Variants in BBS9 observed in about 807,000 individuals in gnomAD.
BBS9 encodes protein PTHB1.
Under a neutral mutation model 117.7 loss-of-function variants are expected in BBS9, and 89 were observed. That is an observed-to-expected ratio of 0.76 (90% CI 0.64 to 0.90). BBS9 has a LOEUF of 0.90. BBS9 is among the 40% of genes least tolerant of loss of function. The pLI, the probability that BBS9 is intolerant of heterozygous loss-of-function variation, is 0.00. For missense variants in BBS9, 982 were observed against 1,042.2 expected, an observed-to-expected ratio of 0.94 and a Z score of 0.80; for synonymous variants, 379 against 370.9, an observed-to-expected ratio of 1.02 and a Z score of -0.25.
intron 5 of BBS9, among the ~76,000 whole-genome samples, chr7:33,199,000 T>C (rs568569265): frequency 6.6e-6 from 1 of 152,158 alleles, no homozygotes; most frequent in East Asian, 1.9e-4. Context: ...TGAAAGATTA[T>C]TCAAAATTCT....
chr7:33,446,932 C>T (rs1042756285), intron 19 of BBS9, among the ~76,000 whole-genome samples: 3 of 152,006 alleles, frequency 2.0e-5, no homozygotes, highest in Non-Finnish European at 2.9e-5. Flanking sequence ...CTCATTTCAC[C>T]CTAGATTGGC....
intron 4 of BBS9, among the ~76,000 whole-genome samples, chr7:33,163,882 A>G (rs188531948): frequency 1.3e-5 from 2 of 151,828 alleles, no homozygotes; most frequent in East Asian, 1.9e-4. Flanking sequence ...GCTTTTGAAT[A>G]TGTTTTCTCT....
At chr7:33,206,565 G>T (rs1003329363) in intron 5 of BBS9, among the ~76,000 whole-genome samples, 1 of 151,686 alleles carries the variant, frequency 6.6e-6, no homozygotes, top group African/African-American at 2.4e-5. Flanking sequence ...CACTTGCTCT[G>T]TCTCCTTCTC....
At position 33,304,305 on chromosome 7, in the gene BBS9, G is replaced by A. The variant is rs376408134; in HGVS notation, c.1016+30349G>A. Among the ~76,000 whole-genome samples the A allele has an allele frequency of 8.4e-4, 119 of 141,550 alleles. No individual in the cohort carries two copies. In the East Asian group the frequency reaches 0.015, roughly 18 times the overall value. The allele number at this position is 141,550 out of a possible 152,430, so 92.9% of individuals were successfully genotyped here. Reference sequence around the variant, plus strand: ...TGGGAAGTGAGGAGCGCCTCTGCCCGGCCGCCCCGTCTGGGAAGTGAGGAG... The same window carrying A: ...TGGGAAGTGAGGAGCGCCTCTGCCCAGCCGCCCCGTCTGGGAAGTGAGGAG... On this transcript the variant is annotated intron_variant, in intron 9 of 22. Coordinates refer to ENST00000242067, the MANE Select transcript of BBS9 (RefSeq NM_198428.3).
At chr7:33,375,656 A>G (rs1018144852) in intron 17 of BBS9, among the ~76,000 whole-genome samples, 15 of 150,136 alleles carry the variant, frequency 1.0e-4, no homozygotes, top group Middle Eastern at 3.4e-3. Flanking sequence ...TGCAGTCACA[A>G]TCTTGGCTTA....
chr7:33,612,889 C>G (rs188759650), intron 21 of BBS9, among the ~76,000 whole-genome samples: 1 of 152,186 alleles, frequency 6.6e-6, no homozygotes, highest in East Asian at 1.9e-4. Flanking sequence ...GCCTGGTCCT[C>G]TTGAAAAGGT....
chr7:33,607,496 A>C (rs1322766758), downstream of BBS9, among the ~76,000 whole-genome samples: 1 of 152,174 alleles, frequency 6.6e-6, no homozygotes, highest in Non-Finnish European at 1.5e-5. Flanking sequence ...ATTTATTTAG[A>C]ATAAGAAAAG....
At chr7:33,220,878 G>A (rs1225473220) in intron 5 of BBS9, among the ~76,000 whole-genome samples, 1 of 152,192 alleles carries the variant, frequency 6.6e-6, no homozygotes, top group Non-Finnish European at 1.5e-5. Context: ...AGGATAAGGA[G>A]AAAGAAATCA....
chr7:33,131,900 T>G (rs960702339), intron 1 of BBS9, among the ~76,000 whole-genome samples: 1 of 152,172 alleles, frequency 6.6e-6, no homozygotes, highest in African/African-American at 2.4e-5. Context: ...GTAAACTTGT[T>G]GTAGAAAAAA....
intron 20 of BBS9, among the ~76,000 whole-genome samples, chr7:33,514,584 G>C (rs911582769): frequency 6.6e-6 from 1 of 151,934 alleles, no homozygotes; most frequent in African/African-American, 2.4e-5. Context: ...GCTAGCTTTG[G>C]GTACTGTAAA....
Position 33,349,167 on chromosome 7 carries a change from A to T in BBS9, c.1429A>T (p.Met477Leu), listed in dbSNP as rs770807702. The change falls in exon 13 of 23, where the codon ATG becomes TTG. Residue 477 changes from methionine to leucine, a missense_variant. Met to Leu is a conservative substitution (Grantham distance 15, BLOSUM62 2). Coordinates refer to ENST00000242067, the MANE Select transcript of BBS9 (RefSeq NM_198428.3). ...LTCDQFTFEF[M>L]TPDLTRTVSF... ...TTGTGATCAGTTCACCTTTGAATTT[A>T]TGAGTAAGTTTTTTGTTTTGGCTGA... is the stretch of plus-strand genomic sequence containing the variant. 6.2e-7 allele frequency: 1 copy of T among 1,608,322 alleles called. No individual in the cohort carries two copies. Among genetic ancestry groups the T allele is most frequent in the Non-Finnish European group, 8.5e-7 (1 of 1,175,022 alleles).
Position 33,549,988 on chromosome 7 carries a change from A to G in BBS9, c.2521+15812A>G, listed in dbSNP as rs1336442043. ...CAAATATGAGGATGAAAAAGTTGAT[A>G]TTTATTCCAGCAGATTCTGGCTCTA... On this transcript the variant is annotated intron_variant, in intron 21 of 22. Transcript: ENST00000242067. Among the ~76,000 whole-genome samples, 2 of 152,210 alleles carry G rather than the reference A, an allele frequency of 1.3e-5. 1 individual carries two copies. The highest frequency in any genetic ancestry group is 4.8e-5 in the African/African-American group (2 of 41,446).
At chr7:33,281,036 G>T (rs12538649) in intron 9 of BBS9, among the ~76,000 whole-genome samples, 8 of 148,934 alleles carry the variant, frequency 5.4e-5, no homozygotes, top group Admixed American at 3.3e-4. Flanking sequence ...AAATATTTCT[G>T]GAATTTATGT....
chr7:33,446,407 G>A (rs146483781), intron 19 of BBS9, among the ~76,000 whole-genome samples: 5 of 152,246 alleles, frequency 3.3e-5, no homozygotes. Flanking sequence ...TAAACCAAAT[G>A]TTAAATCTGT....
intron 19 of BBS9, among the ~76,000 whole-genome samples, chr7:33,411,272 G>A (rs986822098): frequency 3.3e-5 from 5 of 152,134 alleles, no homozygotes; most frequent in South Asian, 2.1e-4. Context: ...TCCCACATCC[G>A]AAACTAATTT....
intron 19 of BBS9, among the ~76,000 whole-genome samples, chr7:33,485,196 T>C (rs1842935866): frequency 6.6e-6 from 1 of 152,098 alleles, no homozygotes; most frequent in South Asian, 2.1e-4. Context: ...GTGCTGGGCT[T>C]AATACCTTGG....
chr7:33,148,966 T>C, intron 2 of BBS9, among the ~76,000 whole-genome samples: 1 of 152,148 alleles, frequency 6.6e-6, no homozygotes, highest in East Asian at 1.9e-4. Context: ...TTCATTAGTG[T>C]CCATGACAAG....
chr7:33,504,166 A>G (rs1425324499), intron 19 of BBS9, among the ~76,000 whole-genome samples: 1 of 152,240 alleles, frequency 6.6e-6, no homozygotes, highest in African/African-American at 2.4e-5. Flanking sequence ...CAAGCAATGC[A>G]CTTTACATTA....
At chr7:33,228,827 C>A (rs989132413) in intron 5 of BBS9, among the ~76,000 whole-genome samples, 1 of 151,952 alleles carries the variant, frequency 6.6e-6, no homozygotes, top group Non-Finnish European at 1.5e-5. Flanking sequence ...GGAGGTGACC[C>A]CTCTTCAGGT....
Sources: gnomAD v4.1 joint callset for allele counts (sites outside exome capture counted in the v4.1 genomes callset) on GRCh38, gnomAD v4.1.1 for gene constraint, MANE v1.5 for transcripts, NCBI Gene and HGNC (gene_info 2026-07-23, HGNC 2026-07-21) for gene names.